FCHSD2: variants seen among roughly 807,000 people sequenced by gnomAD.
FCHSD2 encodes F-BAR and double SH3 domains protein 2.
A neutral mutation model predicts 108.1 loss-of-function variants in FCHSD2; 38 were observed. The ratio of observed to expected loss-of-function variants is 0.35; its 90% CI spans 0.27 to 0.46. FCHSD2 has a LOEUF of 0.46. Ranked by LOEUF, FCHSD2 falls within the 20% of genes least tolerant of loss-of-function variation. FCHSD2 has a pLI of 1.00. For synonymous variants in FCHSD2, 279 were observed against 314.7 expected (o/e 0.89, Z 1.20); for missense variants, 751 against 897.8 (o/e 0.84, Z 2.09).
chr11:73,051,082 A>G (rs563661765), intron 3 of FCHSD2, among the ~76,000 whole-genome samples: 1 of 152,334 alleles, frequency 6.6e-6, no homozygotes, highest in African/African-American at 2.4e-5. Context: ...TTGGGAGGCC[A>G]AGGTGGGAGG....
At chr11:72,935,215 G>A (rs959047794) in intron 8 of FCHSD2, among the ~76,000 whole-genome samples, 1 of 152,090 alleles carries the variant, frequency 6.6e-6, no homozygotes, top group Admixed American at 6.6e-5. Context: ...CTTGTTTGAA[G>A]AAGAAGATTA....
At chr11:73,043,662 G>A (rs578190058) in intron 3 of FCHSD2, among the ~76,000 whole-genome samples, 56 of 152,264 alleles carry the variant, frequency 3.7e-4, no homozygotes, top group African/African-American at 1.3e-3. Flanking sequence ...CATATACATA[G>A]AAGAAATTTT....
chr11:72,931,069 TAC>T (rs1555056630), intron 8 of FCHSD2, among the ~76,000 whole-genome samples: 1 of 149,522 alleles, frequency 6.7e-6, no homozygotes, highest in Non-Finnish European at 1.5e-5. Context: ...TATATATATA[TAC>T]CTACTATATA....
chr11:73,062,487 C>T (rs1325991735), intron 3 of FCHSD2, among the ~76,000 whole-genome samples: 2 of 151,906 alleles, frequency 1.3e-5, no homozygotes, highest in Admixed American at 6.5e-5. Flanking sequence ...ATAACCAACA[C>T]CTCCAAGCTA....
chr11:72,883,155 T>C (rs182833359), intron 12 of FCHSD2, among the ~76,000 whole-genome samples: 2 of 152,252 alleles, frequency 1.3e-5, no homozygotes, highest in East Asian at 1.9e-4. Flanking sequence ...CCTTAACTCA[T>C]ACCAGACCTC....
intron 2 of FCHSD2, among the ~76,000 whole-genome samples, chr11:73,130,166 G>A (rs148277938): frequency 1.7e-4 from 26 of 152,200 alleles, no homozygotes; most frequent in African/African-American, 5.1e-4. Flanking sequence ...GAGCCACCGC[G>A]CCTGGCCCAT....
Position 72,849,841 on chromosome 11 carries a change from T to C in FCHSD2, c.1357A>G (p.Met453Val). 6.8e-6 allele frequency: 11 copies of C among 1,613,190 alleles called. No individual in the cohort carries two copies. Among genetic ancestry groups the C allele is most frequent in the Non-Finnish European group, 9.3e-6 (11 of 1,179,148 alleles). ...REEGEEFEDN[M>V]DVFDDSSSSP... The stretch of plus-strand genomic sequence containing the variant: ...GAACTGCTGTCATCGAAAACATCCA[T>C]GTTATCTTCAAACTCTTCGCCTTCT... The change falls in exon 14 of 20, where the codon ATG becomes GTG. Residue 453 changes from methionine to valine, a missense_variant. Transcript: ENST00000409418.
intron 9 of FCHSD2, among the ~76,000 whole-genome samples, chr11:72,905,007 A>C (rs1295985569): frequency 6.6e-6 from 1 of 152,144 alleles, no homozygotes; most frequent in East Asian, 1.9e-4. Context: ...GTTTACTTCC[A>C]TCAGGAAGCT....
intron 5 of FCHSD2, among the ~76,000 whole-genome samples, chr11:72,993,300 C>T (rs1439972759): frequency 1.3e-5 from 2 of 152,190 alleles, no homozygotes; most frequent in Non-Finnish European, 2.9e-5. Flanking sequence ...AACACTTTTA[C>T]ACTGTTGGTG....
intron 3 of FCHSD2, among the ~76,000 whole-genome samples, chr11:73,017,569 T>C (rs1207942107): frequency 6.6e-6 from 1 of 152,188 alleles, no homozygotes; most frequent in East Asian, 1.9e-4. Context: ...CAATTTGGTT[T>C]CACTATTTCT....
intron 8 of FCHSD2, among the ~76,000 whole-genome samples, chr11:72,931,982 T>C (rs956659738): frequency 6.6e-6 from 1 of 152,248 alleles, no homozygotes; most frequent in African/African-American, 2.4e-5. Context: ...CTCCTCTGAC[T>C]TTCTAACCTG....
chr11:73,060,930 G>GA (rs2135487574), intron 3 of FCHSD2, among the ~76,000 whole-genome samples: 1 of 152,248 alleles, frequency 6.6e-6, no homozygotes, highest in South Asian at 2.1e-4. Context: ...AAGGAAGGCT[G>GA]AAAAAATGCT....
intron 3 of FCHSD2, among the ~76,000 whole-genome samples, chr11:73,057,335 T>C (rs76982282): frequency 0.024 from 3,663 of 151,852 alleles, 144 homozygotes; most frequent in African/African-American, 0.085. Flanking sequence ...AGCTAAAGAA[T>C]CACAAGGAAG....
intron 18 of FCHSD2, 87 bp downstream of exon 18, chr11:72,841,367 A>C: frequency 8.4e-7 from 1 of 1,188,574 alleles, no homozygotes; most frequent in Non-Finnish European, 1.2e-6. Flanking sequence ...AAAAAAAAGC[A>C]AATGCAGTTT....
chr11:72,972,022 A>C (rs908294458), intron 8 of FCHSD2, among the ~76,000 whole-genome samples: 7 of 152,186 alleles, frequency 4.6e-5, no homozygotes, highest in Non-Finnish European at 8.8e-5. Flanking sequence ...AAATAGATGC[A>C]TCTTATTGTA....
Position 73,070,423 on chromosome 11 carries a change from T to C in FCHSD2, c.165+13272A>G, listed in dbSNP as rs527405468. 2.6e-5 allele frequency among the ~76,000 whole-genome samples: 4 copies of C among 152,288 alleles called. 1 individual carries two copies. The highest frequency in any genetic ancestry group is 9.6e-5 in the African/African-American group (4 of 41,570). On this transcript the variant is annotated intron_variant, in intron 3 of 19. Transcript: ENST00000409418. ...ATACTTGATAAATGTCAGGGTTTTT[T>C]ATTTTTATTTTTATTTTTGAGATAC... is the stretch of plus-strand genomic sequence containing the variant.
intron 12 of FCHSD2, among the ~76,000 whole-genome samples, chr11:72,886,611 A>T (rs1855203697): frequency 6.6e-6 from 1 of 152,112 alleles, no homozygotes; most frequent in Non-Finnish European, 1.5e-5. Context: ...GTCTACCTCC[A>T]TACCCCTTCA....
intron 3 of FCHSD2, among the ~76,000 whole-genome samples, chr11:73,055,165 CAG>C (rs1858995822): frequency 1.3e-5 from 2 of 152,024 alleles, no homozygotes; most frequent in African/African-American, 2.4e-5. Flanking sequence ...ATGAGAACAA[CAG>C]GGGGAAAACC....
chr11:73,033,653 TACTC>T (rs200960351), intron 3 of FCHSD2, among the ~76,000 whole-genome samples: 140 of 152,334 alleles, frequency 9.2e-4, no homozygotes, highest in Admixed American at 5.6e-3. Context: ...GTTAATTAAA[TACTC>T]AAACTATGGA....
Sources: gnomAD v4.1 joint callset for allele counts (sites outside exome capture counted in the v4.1 genomes callset) on GRCh38, gnomAD v4.1.1 for gene constraint, MANE v1.5 for transcripts, NCBI Gene and HGNC (gene_info 2026-07-23, HGNC 2026-07-21) for gene names.